The following ANKS1B variants were observed in gnomAD, a reference collection of about 807,000 sequenced individuals.
The protein encoded by ANKS1B is ankyrin repeat and sterile alpha motif domain-containing protein 1B.
ANKS1B carries 36 observed loss-of-function variants against 148.3 expected under a neutral mutation model. The observed-to-expected ratio is 0.24, with a 90% CI of 0.19 to 0.32. The LOEUF (loss-of-function observed/expected upper bound fraction) is 0.32. ANKS1B is among the 10% of genes least tolerant of loss of function. The pLI is 1.00. For missense variants in ANKS1B, 1,157 were observed against 1,542.6 expected, an observed-to-expected ratio of 0.75 and a Z score of 4.19; for synonymous variants, 542 against 560.8, an observed-to-expected ratio of 0.97 and a Z score of 0.47.
intron 14 of ANKS1B, among the ~76,000 whole-genome samples, chr12:99,237,796 A>T (rs1427996564): frequency 1.3e-5 from 2 of 152,210 alleles, no homozygotes; most frequent in African/African-American, 2.4e-5. Flanking sequence ...ATATATACAT[A>T]TTTGAAGACA....
intron 1 of ANKS1B, among the ~76,000 whole-genome samples, chr12:99,849,098 C>T (rs1028026311): frequency 1.3e-5 from 2 of 151,960 alleles, no homozygotes; most frequent in African/African-American, 4.8e-5. Flanking sequence ...GTGCTATGCT[C>T]ACTACCTGGA....
At chr12:99,434,410 T>A (rs764193948) in intron 11 of ANKS1B, among the ~76,000 whole-genome samples, 4 of 152,094 alleles carry the variant, frequency 2.6e-5, no homozygotes, top group African/African-American at 4.8e-5. Flanking sequence ...TACATATATA[T>A]CTACAAAGGA....
chr12:99,943,467 T>TATACACAACA (rs2094971240), intron 1 of ANKS1B, among the ~76,000 whole-genome samples: 7 of 152,112 alleles, frequency 4.6e-5, no homozygotes, highest in Admixed American at 4.6e-4. Context: ...ACTGGGTAAT[T>TATACACAACA]TATAAAGGAA....
chr12:98,798,257 G>T (rs2098968622), intron 22 of ANKS1B, among the ~76,000 whole-genome samples: 1 of 152,010 alleles, frequency 6.6e-6, no homozygotes, highest in Non-Finnish European at 1.5e-5. Context: ...AAGTAGCTGG[G>T]ATTACAGGTG....
intron 17 of ANKS1B, among the ~76,000 whole-genome samples, chr12:98,912,928 C>T (rs2099788707): frequency 6.6e-6 from 1 of 152,190 alleles, no homozygotes. Context: ...GTATTGCAAA[C>T]TGGTGGCCTA....
At chr12:98,739,340 T>A (rs924286293), downstream of ANKS1B, among the ~76,000 whole-genome samples, 7 of 152,212 alleles carry the variant, frequency 4.6e-5, no homozygotes, top group African/African-American at 1.7e-4. Flanking sequence ...GGTAGTCTGC[T>A]TAACTTGTAT....
intron 12 of ANKS1B, among the ~76,000 whole-genome samples, chr12:99,252,894 C>T (rs1180523763): frequency 6.6e-6 from 1 of 152,052 alleles, no homozygotes; most frequent in Non-Finnish European, 1.5e-5. Context: ...AGGGTGAAAA[C>T]ACCAAAGATG....
intron 9 of ANKS1B, chr12:99,649,180 CAACAT>C: frequency 2.3e-6 from 2 of 882,492 alleles, no homozygotes; most frequent in Non-Finnish European, 3.7e-6. Flanking sequence ...GGTGGCAACA[CAACAT>C]GTTTGTGTAC....
At position 99,138,300 on chromosome 12, in the gene ANKS1B, T is replaced by C. The variant is rs143761256; in HGVS notation, c.2526+15989A>G. Among the ~76,000 whole-genome samples the C allele has an allele frequency of 5.9e-5, 9 of 152,312 alleles. No homozygotes were observed. The East Asian group carries it at 1.7e-3, about 29-fold the overall frequency. Reference sequence around the variant, plus strand: ...ATCTTTTAAGAAGCAGAAGCTCTAATAGGTGAATAAATCATTTTGGAGGAT... The same window carrying C: ...ATCTTTTAAGAAGCAGAAGCTCTAACAGGTGAATAAATCATTTTGGAGGAT... On this transcript the variant is annotated intron_variant, in intron 15 of 26. Coordinates refer to ENST00000683438, the MANE Select transcript of ANKS1B (RefSeq NM_001352186.2).
chr12:99,558,263 G>C (rs1306168918), intron 9 of ANKS1B, among the ~76,000 whole-genome samples: 1 of 152,158 alleles, frequency 6.6e-6, no homozygotes, highest in Non-Finnish European at 1.5e-5. Flanking sequence ...GGCAGAGATG[G>C]GGTTGTCAGA....
At chr12:99,170,953 A>C (rs1334421391) in intron 14 of ANKS1B, among the ~76,000 whole-genome samples, 1 of 152,200 alleles carries the variant, frequency 6.6e-6, no homozygotes, top group Non-Finnish European at 1.5e-5. Flanking sequence ...AAGGTTGGTT[A>C]TTTTTGAAGG....
chr12:99,114,073 CAT>C (rs2060840740), intron 15 of ANKS1B, among the ~76,000 whole-genome samples: 1 of 152,130 alleles, frequency 6.6e-6, no homozygotes, highest in Admixed American at 6.5e-5. Flanking sequence ...GTAAGGAACT[CAT>C]ATATGTTTAT....
chr12:99,919,270 C>G (rs1443551618), intron 1 of ANKS1B, among the ~76,000 whole-genome samples: 1 of 152,064 alleles, frequency 6.6e-6, no homozygotes. Context: ...AGTTATTTAA[C>G]TTTTGGATCT....
intron 5 of ANKS1B, 59 bp downstream of exon 5, chr12:99,781,963 T>G (rs1414282462): frequency 7.0e-7 from 1 of 1,437,494 alleles, no homozygotes; most frequent in Non-Finnish European, 9.5e-7. Context: ...CCTTTGTCTA[T>G]TCCCAAAATA....
At chr12:99,028,171 A>G (rs562194315) in intron 17 of ANKS1B, among the ~76,000 whole-genome samples, 1 of 152,372 alleles carries the variant, frequency 6.6e-6, no homozygotes, top group African/African-American at 2.4e-5. Flanking sequence ...AATCAGAAGA[A>G]TGATTTGCAC....
chr12:99,670,117 G>A (rs1211805785), intron 8 of ANKS1B, among the ~76,000 whole-genome samples: 6 of 152,098 alleles, frequency 3.9e-5, no homozygotes, highest in South Asian at 2.1e-4. Context: ...AAAAGAAGAC[G>A]TGTATTATTC....
chr12:99,381,101 C>T (rs1376415543), intron 12 of ANKS1B, among the ~76,000 whole-genome samples: 2 of 152,184 alleles, frequency 1.3e-5, no homozygotes, highest in African/African-American at 4.8e-5. Context: ...AGAAAGGATT[C>T]TTTCCTAGTG....
At chr12:99,253,757 C>T (rs1050628733) in intron 12 of ANKS1B, among the ~76,000 whole-genome samples, 4 of 152,210 alleles carry the variant, frequency 2.6e-5, no homozygotes, top group African/African-American at 4.8e-5. Context: ...AAAAGAGACA[C>T]GCTACAGTGA....
At chr12:98,938,360 T>C (rs2099824137) in intron 17 of ANKS1B, among the ~76,000 whole-genome samples, 1 of 152,186 alleles carries the variant, frequency 6.6e-6, no homozygotes, top group Non-Finnish European at 1.5e-5. Flanking sequence ...CTGTAGACAC[T>C]GGTTTTCAAC....
Sources: gnomAD v4.1 joint callset for allele counts (sites outside exome capture counted in the v4.1 genomes callset) on GRCh38, gnomAD v4.1.1 for gene constraint, MANE v1.5 for transcripts, NCBI Gene and HGNC (gene_info 2026-07-23, HGNC 2026-07-21) for gene names.